Variants in MAP2K6 observed in about 807,000 individuals in gnomAD.
MAP2K6 encodes the protein mitogen-activated protein kinase kinase 6.
MAP2K6 carries 16 observed loss-of-function variants against 53.7 expected under a neutral mutation model. The observed-to-expected ratio is 0.30, with a 90% CI of 0.20 to 0.45. MAP2K6 has a LOEUF of 0.45. MAP2K6 is among the 20% of genes least tolerant of loss of function. MAP2K6 has a pLI of 1.00. For missense variants in MAP2K6, 204 were observed against 411.9 expected (o/e 0.50, Z 4.37); for synonymous variants, 132 against 143.1 (o/e 0.92, Z 0.55).
At chr17:69,475,095 T>A (rs1441635430) in intron 1 of MAP2K6, among the ~76,000 whole-genome samples, 1 of 152,104 alleles carries the variant, frequency 6.6e-6, no homozygotes, top group African/African-American at 2.4e-5. Flanking sequence ...AAAACACTTG[T>A]ATTTTCTGAA....
intron 1 of MAP2K6, among the ~76,000 whole-genome samples, chr17:69,504,142 A>G (rs1307185820): frequency 1.5e-5 from 2 of 132,000 alleles, no homozygotes; most frequent in African/African-American, 5.5e-5. Flanking sequence ...ATTTTTCTGC[A>G]AGGAGGTTAT....
At chr17:69,439,787 C>T (rs892781302) in intron 1 of MAP2K6, among the ~76,000 whole-genome samples, 1 of 152,178 alleles carries the variant, frequency 6.6e-6, no homozygotes, top group Non-Finnish European at 1.5e-5. Context: ...GAACAACATT[C>T]CCTTAGGCCA....
At chr17:69,436,085 A>T (rs1331024204) in intron 1 of MAP2K6, among the ~76,000 whole-genome samples, 1 of 152,134 alleles carries the variant, frequency 6.6e-6, no homozygotes, top group Non-Finnish European at 1.5e-5. Flanking sequence ...ACTTTAAAAG[A>T]AGTGAACAGC....
At chr17:69,488,653 A>C (rs1908635506) in intron 1 of MAP2K6, among the ~76,000 whole-genome samples, 1 of 152,214 alleles carries the variant, frequency 6.6e-6, no homozygotes, top group South Asian at 2.1e-4. Flanking sequence ...GTGCAGGAAC[A>C]GAAAAGCGAG....
At position 69,414,781 on chromosome 17, in the gene MAP2K6, A is replaced by G; in HGVS notation, c.-204A>G. On this transcript the variant is annotated 5_prime_UTR_variant, in exon 1 of 12. Coordinates refer to ENST00000590474, the MANE Select transcript of MAP2K6 (RefSeq NM_002758.4). ...CCTTCCCTAACGTTGCAACTGGGGG[A>G]AAAATCACTTTCCAGTCTGTTTTGC... 1 of 529,930 alleles carries G rather than the reference A, an allele frequency of 1.9e-6. No individual in the cohort carries two copies. Among genetic ancestry groups the G allele is most frequent in the Non-Finnish European group, 3.4e-6 (1 of 295,884 alleles). The allele number at this position is 529,930 out of a possible 1,614,324, so 32.8% of individuals were successfully genotyped here.
chr17:69,430,676 C>G (rs908018348), intron 1 of MAP2K6, among the ~76,000 whole-genome samples: 4 of 152,162 alleles, frequency 2.6e-5, no homozygotes, highest in African/African-American at 9.7e-5. Flanking sequence ...ACACAGCTCT[C>G]TAAGTGGGAC....
chr17:69,425,460 C>A (rs1906241667), intron 1 of MAP2K6, among the ~76,000 whole-genome samples: 1 of 151,986 alleles, frequency 6.6e-6, no homozygotes. Flanking sequence ...TTACAGGCGC[C>A]CACCACCACA....
intron 1 of MAP2K6, among the ~76,000 whole-genome samples, chr17:69,493,801 A>G (rs1908845130): frequency 1.3e-5 from 2 of 152,062 alleles, no homozygotes; most frequent in African/African-American, 4.8e-5. Flanking sequence ...ACTCAGCTTC[A>G]TTAAATATTT....
Position 69,414,916 on chromosome 17 carries a change from A to G in MAP2K6, c.-69A>G. 1 of 1,443,894 alleles carries G rather than the reference A, an allele frequency of 6.9e-7. No individual in the cohort carries two copies. The highest frequency in any genetic ancestry group is 1.4e-5 in the African/African-American group (1 of 70,778). The allele number at this position is 1,443,894 out of a possible 1,614,324, so 89.4% of individuals were successfully genotyped here. ...CCTGCAGCTTGCATCTTTGTTGCAA[A>G]ACTAGCTACAGAAGAGAAGCAAGGC... On this transcript the variant is annotated 5_prime_UTR_variant, in exon 1 of 12. Coordinates refer to ENST00000590474, the MANE Select transcript of MAP2K6 (RefSeq NM_002758.4).
chr17:69,513,854 C>T (rs1910000805), intron 2 of MAP2K6, among the ~76,000 whole-genome samples: 1 of 152,130 alleles, frequency 6.6e-6, no homozygotes, highest in African/African-American at 2.4e-5. Context: ...GTGGGTGACG[C>T]CTGTAACTCC....
At chr17:69,449,281 C>T (rs1229146562) in intron 1 of MAP2K6, among the ~76,000 whole-genome samples, 1 of 151,712 alleles carries the variant, frequency 6.6e-6, no homozygotes, top group East Asian at 1.9e-4. Context: ...ATAAATGTTA[C>T]ATATAATATA....
chr17:69,541,842 C>A lies in MAP2K6; in HGVS notation c.*89C>A. 1.0e-6 allele frequency: 1 copy of A among 978,380 alleles called. No homozygotes were observed. The highest frequency in any genetic ancestry group is 1.6e-6 in the Non-Finnish European group (1 of 637,276). The allele number at this position is 978,380 out of a possible 1,614,324, so 60.6% of individuals were successfully genotyped here. ...CACTACAGCATCAATAGAAAGTCAT[C>A]TTTGAGATAATTTAACCCTGCCTCT... On this transcript the variant is annotated 3_prime_UTR_variant, in exon 12 of 12. Transcript: ENST00000590474.
rs1050426171 is a variant in MAP2K6 at position 69,544,005 on chromosome 17, T to G, written c.*2252T>G. Reference sequence around the variant, plus strand: ...TTAACTGGTGGGGCCTAGGAATTGGTGTTTTTTTGTTTTGTTTTGTTTTTT... The same window carrying G: ...TTAACTGGTGGGGCCTAGGAATTGGGGTTTTTTTGTTTTGTTTTGTTTTTT... On this transcript the variant is annotated 3_prime_UTR_variant, in exon 12 of 12. Coordinates refer to ENST00000590474, the MANE Select transcript of MAP2K6 (RefSeq NM_002758.4). The G allele has an allele frequency of 3.3e-5, 5 of 152,184 alleles. No homozygotes were observed. Among genetic ancestry groups the G allele is most frequent in the Admixed American group, 2.6e-4 (4 of 15,276 alleles). 9.4% of individuals were successfully genotyped at this position (152,184 alleles called of 1,614,324 possible).
chr17:69,490,944 A>C (rs894303127), intron 1 of MAP2K6, among the ~76,000 whole-genome samples: 3 of 151,070 alleles, frequency 2.0e-5, no homozygotes, highest in African/African-American at 7.3e-5. Flanking sequence ...TTTAGTTCTC[A>C]TTTATATAAG....
At position 69,457,272 on chromosome 17, in the gene MAP2K6, C is replaced by T. The variant is rs556805032; in HGVS notation, c.16+42272C>T. Among the ~76,000 whole-genome samples the T allele has an allele frequency of 5.9e-5, 9 of 152,340 alleles. No individual in the cohort carries two copies. The South Asian group carries it at 6.2e-4, about 11-fold the overall frequency. ...GGAAGCATTTGAGGAAGGACTCCCA[C>T]GCCAGCACCATTACACTATTTTCCC... On this transcript the variant is annotated intron_variant, in intron 1 of 11. Coordinates refer to ENST00000590474, the MANE Select transcript of MAP2K6 (RefSeq NM_002758.4).
rs1467159716 is a variant in MAP2K6, at chr17:69,547,704, A to C, written c.*5951A>C. On this transcript the variant is annotated 3_prime_UTR_variant, in exon 12 of 12. Transcript: ENST00000590474. ...TCAGGTAAGTATGAATTGTTCTGGAAGCTGATAGAACAATTTTCTTCAGAT... is the reference window on the plus strand; with the variant it reads ...TCAGGTAAGTATGAATTGTTCTGGACGCTGATAGAACAATTTTCTTCAGAT... 1 of 152,254 alleles carries C rather than the reference A, an allele frequency of 6.6e-6. No homozygotes were observed. Among genetic ancestry groups the C allele is most frequent in the Non-Finnish European group, 1.5e-5 (1 of 68,046 alleles). The allele number at this position is 152,254 out of a possible 1,614,324, so 9.4% of individuals were successfully genotyped here.
At chr17:69,418,702 ATTAACT>A (rs889419903) in intron 1 of MAP2K6, among the ~76,000 whole-genome samples, 2 of 152,168 alleles carry the variant, frequency 1.3e-5, no homozygotes, top group African/African-American at 4.8e-5. Flanking sequence ...CTTAATGTTT[ATTAACT>A]TTCACTATTG....
chr17:69,423,253 A>C (rs1906154976), intron 1 of MAP2K6, among the ~76,000 whole-genome samples: 1 of 152,214 alleles, frequency 6.6e-6, no homozygotes, highest in African/African-American at 2.4e-5. Flanking sequence ...ATTGAAAAAA[A>C]ATCAAAATCA....
At chr17:69,427,904 A>C (rs1906324701) in intron 1 of MAP2K6, among the ~76,000 whole-genome samples, 1 of 152,242 alleles carries the variant, frequency 6.6e-6, no homozygotes, top group African/African-American at 2.4e-5. Flanking sequence ...TGATATATTC[A>C]GTCTGGAATA....
Sources: allele counts gnomAD v4.1 joint callset (sites outside exome capture counted in the v4.1 genomes callset), GRCh38; gene constraint gnomAD v4.1.1; transcripts MANE v1.5; gene names NCBI Gene and HGNC (gene_info 2026-07-23, HGNC 2026-07-21).